Variants in GPC5 observed in about 807,000 individuals in gnomAD.
GPC5 encodes the protein glypican-5.
GPC5 carries 47 observed loss-of-function variants against 53.9 expected under a neutral mutation model. The ratio of observed to expected loss-of-function variants is 0.87; its 90% CI spans 0.69 to 1.11. GPC5 has a LOEUF of 1.11. GPC5 is among the 50% of genes most tolerant of loss of function. The probability of loss-of-function intolerance (pLI) is 0.00; values close to 1 mark genes in which losing one functional copy is unlikely to be tolerated. For synonymous variants in GPC5, 286 were observed against 263.3 expected, an observed-to-expected ratio of 1.09 and a Z score of -0.84; for missense variants, 748 against 713.1, an observed-to-expected ratio of 1.05 and a Z score of -0.56.
At chr13:91,623,525 T>C (rs1391253746) in intron 2 of GPC5, among the ~76,000 whole-genome samples, 1 of 152,032 alleles carries the variant, frequency 6.6e-6, no homozygotes, top group East Asian at 1.9e-4. Flanking sequence ...GAAGCAATGG[T>C]TTGGGGTCTT....
chr13:92,453,021 C>T (rs868075158), intron 7 of GPC5, among the ~76,000 whole-genome samples: 7 of 152,156 alleles, frequency 4.6e-5, no homozygotes, highest in Admixed American at 1.3e-4. Context: ...CGCACTACTA[C>T]GCAGTATCTC....
chr13:91,895,380 G>T (rs1313273304), intron 5 of GPC5, among the ~76,000 whole-genome samples: 1 of 152,114 alleles, frequency 6.6e-6, no homozygotes, highest in Non-Finnish European at 1.5e-5. Context: ...GGCTTATAAA[G>T]AAAAAATGAG....
At chr13:91,689,821 C>T (rs1217481666) in intron 2 of GPC5, among the ~76,000 whole-genome samples, 1 of 151,998 alleles carries the variant, frequency 6.6e-6, no homozygotes, top group Non-Finnish European at 1.5e-5. Flanking sequence ...TCTGGAAGAA[C>T]TCACTTAGGT....
intron 2 of GPC5, among the ~76,000 whole-genome samples, chr13:91,616,113 G>A (rs576528137): frequency 1.6e-4 from 24 of 152,194 alleles, no homozygotes; most frequent in African/African-American, 5.3e-4. Flanking sequence ...AAAGAAACTC[G>A]TAGTAAGGGG....
chr13:92,357,508 C>T (rs2043532103), intron 7 of GPC5, among the ~76,000 whole-genome samples: 2 of 151,654 alleles, frequency 1.3e-5, no homozygotes, highest in Admixed American at 6.6e-5. Context: ...ACATATATGT[C>T]ATCTTTTGAA....
intron 7 of GPC5, among the ~76,000 whole-genome samples, chr13:92,344,480 A>C (rs1250616234): frequency 6.6e-6 from 1 of 152,176 alleles, no homozygotes; most frequent in Non-Finnish European, 1.5e-5. Context: ...GAAGGACTTC[A>C]CCCAAAATTT....
At chr13:92,848,710 G>A (rs1878690459) in intron 7 of GPC5, among the ~76,000 whole-genome samples, 1 of 151,754 alleles carries the variant, frequency 6.6e-6, no homozygotes, top group African/African-American at 2.4e-5. Flanking sequence ...CACACACTTG[G>A]GTAAAACACC....
chr13:92,720,868 C>T (rs1888490326), intron 7 of GPC5, among the ~76,000 whole-genome samples: 1 of 152,068 alleles, frequency 6.6e-6, no homozygotes, highest in Non-Finnish European at 1.5e-5. Flanking sequence ...ACCCAGGGGA[C>T]CATTCAAACT....
intron 6 of GPC5, among the ~76,000 whole-genome samples, chr13:92,013,383 A>T (rs1025736146): frequency 6.6e-6 from 1 of 152,252 alleles, no homozygotes; most frequent in Non-Finnish European, 1.5e-5. Flanking sequence ...TGAGAAGTCT[A>T]GCTGTCTTTC....
At chr13:91,523,850 A>G (rs911248225) in intron 2 of GPC5, among the ~76,000 whole-genome samples, 1 of 152,222 alleles carries the variant, frequency 6.6e-6, no homozygotes, top group African/African-American at 2.4e-5. Context: ...ATTTTTTTAA[A>G]GAGTGCATAA....
intron 2 of GPC5, among the ~76,000 whole-genome samples, chr13:91,524,623 G>A (rs946288004): frequency 2.3e-4 from 35 of 152,008 alleles, no homozygotes; most frequent in Admixed American, 1.9e-3. Context: ...TTAGCTTTAC[G>A]TCATCCTGGG....
intron 6 of GPC5, among the ~76,000 whole-genome samples, chr13:92,127,867 T>A (rs2041712238): frequency 6.6e-6 from 1 of 152,168 alleles, no homozygotes; most frequent in African/African-American, 2.4e-5. Context: ...AATACACCCA[T>A]AGAACAGTGT....
chr13:92,838,542 T>G (rs1878306991), intron 7 of GPC5, among the ~76,000 whole-genome samples: 1 of 151,144 alleles, frequency 6.6e-6, no homozygotes, highest in Non-Finnish European at 1.5e-5. Context: ...AATAATATTA[T>G]ATCGTGCCTC....
At chr13:91,526,726 C>T (rs1384314646) in intron 2 of GPC5, among the ~76,000 whole-genome samples, 1 of 152,064 alleles carries the variant, frequency 6.6e-6, no homozygotes, top group Non-Finnish European at 1.5e-5. Flanking sequence ...TAAAGAACTG[C>T]CTGAGACTGG....
chr13:92,397,279 GT>G (rs1442289877), intron 7 of GPC5, among the ~76,000 whole-genome samples: 2 of 152,122 alleles, frequency 1.3e-5, no homozygotes, highest in Admixed American at 1.3e-4. Flanking sequence ...GCTGGGGGGG[GT>G]TCCCCCATAC....
rs1291827735 is a variant in GPC5 at position 92,866,819 on chromosome 13, A to T, written c.*380A>T. The stretch of plus-strand genomic sequence containing the variant: ...TCATTTGAAAGTGTATTTGCCAGAC[A>T]ATGAAAACAGTATGCAGTATTTCTT... On this transcript the variant is annotated 3_prime_UTR_variant, in exon 8 of 8. Transcript: ENST00000377067. 1 of 156,040 alleles carries T rather than the reference A, an allele frequency of 6.4e-6. No individual in the cohort carries two copies. Among genetic ancestry groups the T allele is most frequent in the Non-Finnish European group, 1.4e-5 (1 of 70,788 alleles). 9.7% of individuals were successfully genotyped at this position (156,040 alleles called of 1,614,324 possible). A position where few individuals can be genotyped will look rare whatever the true frequency, so the allele number is the denominator to read the frequency against.
chr13:92,507,838 A>AT (rs955192480), intron 7 of GPC5, among the ~76,000 whole-genome samples: 117 of 150,780 alleles, frequency 7.8e-4, no homozygotes, highest in Admixed American at 1.5e-3. Context: ...GGTTTACCTT[A>AT]TTTTTTTTTG....
chr13:91,832,692 A>G (rs1321940641), intron 5 of GPC5, among the ~76,000 whole-genome samples: 2 of 152,128 alleles, frequency 1.3e-5, no homozygotes, highest in Non-Finnish European at 2.9e-5. Flanking sequence ...CTTTGAAACC[A>G]ATGAGAACAA....
chr13:92,367,895 C>A (rs986950005), intron 7 of GPC5, among the ~76,000 whole-genome samples: 1 of 152,072 alleles, frequency 6.6e-6, no homozygotes, highest in Non-Finnish European at 1.5e-5. Flanking sequence ...CAAGATAGTC[C>A]TTCTTCTGAA....
Sources: allele counts gnomAD v4.1 joint callset (sites outside exome capture counted in the v4.1 genomes callset), GRCh38; gene constraint gnomAD v4.1.1; transcripts MANE v1.5; gene names NCBI Gene and HGNC (gene_info 2026-07-23, HGNC 2026-07-21).